RANBP3: variants seen among roughly 807,000 people sequenced by gnomAD.
RANBP3 encodes RAN binding protein 3, also known as ran-binding protein 3.
Under a neutral mutation model 77.3 loss-of-function variants are expected in RANBP3, and 14 were observed. That is an observed-to-expected ratio of 0.18 (90% CI 0.12 to 0.28). The LOEUF (loss-of-function observed/expected upper bound fraction) is 0.28, where lower values mean the gene tolerates loss of function less well. Among genes scored for constraint, RANBP3 ranks in the 10% least tolerant of loss-of-function variants. The pLI, the probability that RANBP3 is intolerant of heterozygous loss-of-function variation, is 1.00. For missense variants in RANBP3, 586 were observed against 752.3 expected, an observed-to-expected ratio of 0.78 and a Z score of 2.59; for synonymous variants, 315 against 312.4, an observed-to-expected ratio of 1.01 and a Z score of -0.09.
At chr19:5,967,366 G>C (rs149003773) in intron 1 of RANBP3, among the ~76,000 whole-genome samples, 5 of 152,040 alleles carry the variant, frequency 3.3e-5, no homozygotes, top group African/African-American at 1.2e-4. Context: ...TTCAACTACC[G>C]AACTCCAAGC....
chr19:5,951,776 G>A (rs1363043157), intron 2 of RANBP3, among the ~76,000 whole-genome samples, 180 bp from the exon 3 acceptor site: 5 of 152,188 alleles, frequency 3.3e-5, no homozygotes, highest in African/African-American at 4.8e-5. Context: ...CCGGCTCTCC[G>A]GCTGACGGAA....
intron 1 of RANBP3, among the ~76,000 whole-genome samples, chr19:5,976,106 T>A (rs970970498): frequency 9.2e-5 from 14 of 152,000 alleles, no homozygotes; most frequent in Non-Finnish European, 1.6e-4. Flanking sequence ...CTGTGCAGTA[T>A]GAGAAAGAGG....
At position 5,932,483 on chromosome 19, in the gene RANBP3, T is replaced by C; in HGVS notation, c.534A>G (p.Gln178=). 6.2e-7 allele frequency: 1 copy of C among 1,613,924 alleles called. No individual in the cohort carries two copies. Among genetic ancestry groups the C allele is most frequent in the East Asian group, 2.2e-5 (1 of 44,884 alleles). ...GGGACAGCGCCTTTGGCTGCGGAGC[T>C]TGTAACACTGCCGGGCGAAGCACGC... ...QRSVLRPAVL[Q]APQPKALSQT... The change falls in exon 7 of 17, where the codon CAA becomes CAG. Residue 178 remains glutamine, a synonymous_variant. Coordinates refer to ENST00000340578, the MANE Select transcript of RANBP3 (RefSeq NM_007322.3).
At chr19:5,962,790 A>G (rs2058420182) in intron 1 of RANBP3, 1 of 455,842 alleles carries the variant, frequency 2.2e-6, no homozygotes, top group South Asian at 1.5e-5. Flanking sequence ...CAGCACGGCT[A>G]TCGCAAACAG....
chr19:5,966,367 A>C (rs2058468180), intron 1 of RANBP3, among the ~76,000 whole-genome samples: 1 of 152,218 alleles, frequency 6.6e-6, no homozygotes, highest in South Asian at 2.1e-4. Flanking sequence ...GCAATCCTTT[A>C]AGGTTGTCAA....
At chr19:5,941,728 A>G (rs760387559) in intron 4 of RANBP3, 21 bp from the exon 5 acceptor site, 5 of 1,612,506 alleles carry the variant, frequency 3.1e-6, no homozygotes, top group Admixed American at 1.7e-5. Flanking sequence ...TGATGAGAAG[A>G]GGAGGAGAAA....
chr19:5,964,854 G>T lies in RANBP3; in HGVS notation c.23-6881C>A, dbSNP rs1418513599. On this transcript the variant is annotated intron_variant, in intron 1 of 16. Coordinates refer to ENST00000340578, the MANE Select transcript of RANBP3 (RefSeq NM_007322.3). ...GGAGCTAAGTGGAGGTGGTAGGGTG[G>T]GGGGGGGGGTGGCACGGTGGGGGGT... Among the ~76,000 whole-genome samples, 143 of 121,966 alleles carry T rather than the reference G, an allele frequency of 1.2e-3. 2 individuals carry two copies. Among genetic ancestry groups the T allele is most frequent in the African/African-American group, 4.2e-3 (136 of 32,144 alleles). 80.0% of individuals were successfully genotyped at this position (121,966 alleles called of 152,430 possible).
intron 2 of RANBP3, among the ~76,000 whole-genome samples, chr19:5,953,954 G>A (rs1316097112): frequency 6.6e-6 from 1 of 152,164 alleles, no homozygotes; most frequent in Non-Finnish European, 1.5e-5. Context: ...TGATGCCACC[G>A]GCACCCACAC....
chr19:5,925,729 A>G lies in RANBP3; in HGVS notation c.822T>C (p.Asn274=). ...QNLRDRVKLI[N]ESVDEADMEN... ...CCATGTCGGCTTCGTCCACGCTCTC[A>G]TTTATCAGCTGGGAATGAGACGGAG... is the stretch of plus-strand genomic sequence containing the variant. Residue 274 remains asparagine, a synonymous_variant, in exon 10 of 17, where the codon AAT becomes AAC. Coordinates refer to ENST00000340578, the MANE Select transcript of RANBP3 (RefSeq NM_007322.3). 6.2e-7 allele frequency: 1 copy of G among 1,611,008 alleles called. No individual in the cohort carries two copies. Among genetic ancestry groups the G allele is most frequent in the Non-Finnish European group, 8.5e-7 (1 of 1,178,374 alleles).
chr19:5,951,550 C>A lies in RANBP3; in HGVS notation c.125G>T (p.Arg42Leu). 6.2e-7 allele frequency: 1 copy of A among 1,612,960 alleles called. No homozygotes were observed. Among genetic ancestry groups the A allele is most frequent in the Non-Finnish European group, 8.5e-7 (1 of 1,179,488 alleles). The change falls in exon 3 of 17, where the codon CGG becomes CTG. Residue 42 changes from arginine to leucine, a missense_variant. Transcript: ENST00000340578. Reference protein sequence around the residue: ...KNLSDSGEEPRGEAEAPHHGT... With the variant: ...KNLSDSGEEPLGEAEAPHHGT... ...ATGGTGGGGGGCCTCAGCCTCCCCCCGAGGCTCCTCTCCCGAATCCGACAA... is the reference window on the plus strand; with the variant it reads ...ATGGTGGGGGGCCTCAGCCTCCCCCAGAGGCTCCTCTCCCGAATCCGACAA...
chr19:5,919,220 G>C (rs540288111), intron 14 of RANBP3, among the ~76,000 whole-genome samples: 1 of 152,316 alleles, frequency 6.6e-6, no homozygotes, highest in East Asian at 1.9e-4. Context: ...AGCAGATTAC[G>C]GAGGAAAATG....
chr19:5,941,535 A>G (rs1252703340), intron 5 of RANBP3, 86 bp downstream of exon 5: 1 of 1,208,746 alleles, frequency 8.3e-7, no homozygotes, highest in African/African-American at 1.5e-5. Context: ...CAGGAAGGAC[A>G]CAGCAGACGG....
chr19:5,957,804 C>T, intron 2 of RANBP3, 114 bp downstream of exon 2: 1 of 1,136,356 alleles, frequency 8.8e-7, no homozygotes, highest in South Asian at 1.3e-5. Flanking sequence ...CTGCTTAGGT[C>T]TCCCCGTCTG....
At chr19:5,973,716 T>C (rs1203023534) in intron 1 of RANBP3, among the ~76,000 whole-genome samples, 2 of 152,228 alleles carry the variant, frequency 1.3e-5, no homozygotes, top group Admixed American at 6.5e-5. Flanking sequence ...CAGCTGAATG[T>C]GTCCAGAGCA....
intron 3 of RANBP3, among the ~76,000 whole-genome samples, chr19:5,947,364 CAAA>C (rs1342278046): frequency 3.4e-5 from 5 of 148,880 alleles, no homozygotes; most frequent in African/African-American, 1.2e-4. Context: ...GAAACAAAAA[CAAA>C]AAGAGCAAGC....
At chr19:5,930,716 A>G (rs1219220706) in intron 8 of RANBP3, among the ~76,000 whole-genome samples, 8 of 152,142 alleles carry the variant, frequency 5.3e-5, no homozygotes, top group Non-Finnish European at 1.5e-5. Flanking sequence ...CTACAGGTAC[A>G]TGCTACCATG....
chr19:5,954,635 C>T (rs776108114), intron 2 of RANBP3, among the ~76,000 whole-genome samples: 3 of 151,802 alleles, frequency 2.0e-5, no homozygotes, highest in Non-Finnish European at 4.4e-5. Flanking sequence ...AAGGGTGGGG[C>T]GGGGGGAACC....
intron 1 of RANBP3, among the ~76,000 whole-genome samples, chr19:5,975,222 C>G (rs1421943902): frequency 6.6e-6 from 1 of 152,190 alleles, no homozygotes; most frequent in Admixed American, 6.5e-5. Flanking sequence ...ATATGAGGCA[C>G]AAAGTCCACC....
intron 14 of RANBP3, chr19:5,920,967 G>A (rs1225241601): frequency 2.7e-6 from 1 of 364,816 alleles, no homozygotes; most frequent in Non-Finnish European, 4.9e-6. Context: ...TGTCCATTTT[G>A]ACACTAAGAG....
Sources: gnomAD v4.1 joint callset for allele counts (sites outside exome capture counted in the v4.1 genomes callset) on GRCh38, gnomAD v4.1.1 for gene constraint, MANE v1.5 for transcripts, NCBI Gene and HGNC (gene_info 2026-07-23, HGNC 2026-07-21) for gene names.